The following SEZ6L2 variants were observed in gnomAD, a reference collection of about 807,000 sequenced individuals.
SEZ6L2 encodes seizure 6-like protein 2.
SEZ6L2 carries 44 observed loss-of-function variants against 97.0 expected under a neutral mutation model. The observed-to-expected ratio is 0.45, with a 90% confidence interval of 0.36 to 0.58. SEZ6L2 has a LOEUF of 0.58. Ranked by LOEUF, SEZ6L2 falls within the 20% of genes least tolerant of loss-of-function variation. SEZ6L2 has a pLI of 0.00. For synonymous variants in SEZ6L2, 543 were observed against 546.1 expected, an observed-to-expected ratio of 0.99 and a Z score of 0.08; for missense variants, 1,086 against 1,233.3, an observed-to-expected ratio of 0.88 and a Z score of 1.79.
chr16:29,882,250 C>T (rs1047475939), intron 8 of SEZ6L2, among the ~76,000 whole-genome samples: 1 of 151,930 alleles, frequency 6.6e-6, no homozygotes, highest in East Asian at 2.0e-4. Flanking sequence ...AGATTACAGG[C>T]ATGAGCCACT....
At chr16:29,877,227 G>A in intron 11 of SEZ6L2, 44 bp downstream of exon 11, 1 of 1,493,632 alleles carries the variant, frequency 6.7e-7, no homozygotes, top group Non-Finnish European at 8.9e-7. Flanking sequence ...GGGATCTCTG[G>A]CCTGCCCGAC....
Position 29,895,251 on chromosome 16 carries a change from C to T in SEZ6L2, c.853+8G>A. The T allele has an allele frequency of 6.4e-7, 1 of 1,554,412 alleles. No homozygotes were observed. The highest frequency in any genetic ancestry group is 1.4e-5 in the African/African-American group (1 of 73,296). On this transcript the variant is annotated splice_region_variant and intron_variant, in intron 5 of 17. Coordinates refer to ENST00000617533, the MANE Select transcript of SEZ6L2 (RefSeq NM_001243332.2). ...CTGCCCTTCCAGCAGCACCCTCAAACTCCTCACCCTGATAGTGGATCCTGA... is the reference window on the plus strand; with the variant it reads ...CTGCCCTTCCAGCAGCACCCTCAAATTCCTCACCCTGATAGTGGATCCTGA...
intron 8 of SEZ6L2, 106 bp from the exon 9 acceptor site, chr16:29,880,170 T>C (rs1285170064): frequency 4.1e-6 from 1 of 242,084 alleles, no homozygotes; most frequent in East Asian, 1.2e-4. Context: ...CTCACTGGGC[T>C]TTTTTTTTTT....
At chr16:29,897,657 C>T (rs754863277) in intron 2 of SEZ6L2, among the ~76,000 whole-genome samples, 196 bp downstream of exon 2, 17 of 152,320 alleles carry the variant, frequency 1.1e-4, no homozygotes, top group Non-Finnish European at 1.6e-4. Flanking sequence ...CTGTCTCTGT[C>T]TCTCTGGTTC....
intron 12 of SEZ6L2, among the ~76,000 whole-genome samples, chr16:29,874,174 C>T (rs1024200702): frequency 2.6e-5 from 4 of 152,088 alleles, no homozygotes; most frequent in Non-Finnish European, 5.9e-5. Context: ...CAAAATTCAA[C>T]GTATGTTATA....
intron 8 of SEZ6L2, among the ~76,000 whole-genome samples, chr16:29,880,285 C>T (rs2068003747): frequency 6.6e-6 from 1 of 151,748 alleles, no homozygotes; most frequent in Non-Finnish European, 1.5e-5. Flanking sequence ...GCCTCAGCCT[C>T]CCAGGTAGCT....
chr16:29,899,292 G>T lies in SEZ6L2; in HGVS notation c.-273C>A, dbSNP rs2068482290. The T allele has an allele frequency of 4.5e-6, 2 of 441,284 alleles. No individual in the cohort carries two copies. The highest frequency in any genetic ancestry group is 8.0e-6 in the Non-Finnish European group (2 of 249,496). The allele number at this position is 441,284 out of a possible 1,614,324, so 27.3% of individuals were successfully genotyped here. On this transcript the variant is annotated 5_prime_UTR_variant, in exon 1 of 18. Transcript: ENST00000617533. ...AGGGGGCGCGGCTCCGGCTGCAGGGGGTGGGGCCGAGAGGGCCGAAGGGGC... is the reference window on the plus strand; with the variant it reads ...AGGGGGCGCGGCTCCGGCTGCAGGGTGTGGGGCCGAGAGGGCCGAAGGGGC...
rs1400910441 is a variant in SEZ6L2, at chr16:29,876,265, T to C, written c.2104+491A>G. The stretch of plus-strand genomic sequence containing the variant: ...CCAGCACGGGGCTTCAATGATGGCA[T>C]TCAAATAAACCAAGTGCTCTGACAA... On this transcript the variant is annotated intron_variant, in intron 12 of 17. Coordinates refer to ENST00000617533, the MANE Select transcript of SEZ6L2 (RefSeq NM_001243332.2). The surrounding 1 kb of genome is among the most constrained non-coding windows in gnomAD (Gnocchi z 6.5). Among the ~76,000 whole-genome samples, 3 of 152,070 alleles carry C rather than the reference T, an allele frequency of 2.0e-5. No individual in the cohort carries two copies. The highest frequency in any genetic ancestry group is 2.9e-5 in the Non-Finnish European group (2 of 68,024).
chr16:29,890,412 A>G (rs1018036720), intron 5 of SEZ6L2, among the ~76,000 whole-genome samples: 2 of 152,206 alleles, frequency 1.3e-5, no homozygotes, highest in Admixed American at 6.6e-5. Flanking sequence ...ATGGCTGCCC[A>G]TGCCCAACAG....
At position 29,879,964 on chromosome 16, in the gene SEZ6L2, G is replaced by C; in HGVS notation, c.1473C>G (p.Cys491Trp). The change falls in exon 9 of 18, where the codon TGC (cysteine) becomes TGG (tryptophan). Residue 491 changes from cysteine (C) to tryptophan (W), a missense_variant. Around this residue, in one of 2 missense-constraint regions of SEZ6L2, gnomAD observed 776 missense variants for 794.7 expected, o/e 0.98. Transcript: ENST00000617533. ...GGGGCTCCAGGGCATATCCTGGGAGGCACGAGAAGGTTGCCAGTGCCCCTG... is the reference window on the plus strand; with the variant it reads ...GGGGCTCCAGGGCATATCCTGGGAGCCACGAGAAGGTTGCCAGTGCCCCTG... ...YRPGALATFS[C>W]LPGYALEPPG... 1.2e-6 allele frequency: 2 copies of C among 1,614,184 alleles called. No homozygotes were observed. The highest frequency in any genetic ancestry group is 1.7e-6 in the Non-Finnish European group (2 of 1,180,016).
intron 7 of SEZ6L2, 41 bp downstream of exon 7, chr16:29,887,608 G>T (rs774678546): frequency 7.3e-6 from 11 of 1,513,162 alleles, no homozygotes; most frequent in Non-Finnish European, 9.7e-6. Context: ...CACCATGCCC[G>T]GCCAAGGTGG....
chr16:29,891,207 T>C (rs535347841), intron 5 of SEZ6L2, among the ~76,000 whole-genome samples: 2 of 152,226 alleles, frequency 1.3e-5, no homozygotes, highest in Admixed American at 1.3e-4. Context: ...CCCAAAGTGC[T>C]GTGATTACAG....
At chr16:29,886,635 C>T (rs1463223207) in intron 7 of SEZ6L2, among the ~76,000 whole-genome samples, 12 of 150,466 alleles carry the variant, frequency 8.0e-5, no homozygotes, top group Non-Finnish European at 1.8e-4. Flanking sequence ...GAGCCGAGAT[C>T]GCACCACTGC....
In SEZ6L2 at chr16:29,899,110, GTTTTTT is replaced by G. The variant is rs556364210; in HGVS notation, c.-97_-92del. On this transcript the variant is annotated 5_prime_UTR_variant, in exon 1 of 18. Transcript: ENST00000617533. ...TCTCCGTTTATCTTTCCCTTTAATT[GTTTTTT>G]TTTTTTTTTTTTTTTTCCTCGTAGG... is the stretch of plus-strand genomic sequence containing the variant. 973 of 500,082 alleles carry G rather than the reference GTTTTTT, an allele frequency of 1.9e-3. No individual in the cohort carries two copies. The highest frequency in any genetic ancestry group is 4.4e-3 in the Middle Eastern group (8 of 1,804). 31.0% of individuals were successfully genotyped at this position (500,082 alleles called of 1,614,324 possible).
chr16:29,883,814 C>T (rs901013777), intron 8 of SEZ6L2, among the ~76,000 whole-genome samples: 1 of 152,046 alleles, frequency 6.6e-6, no homozygotes, highest in African/African-American at 2.4e-5. Context: ...CGCTTGTGGT[C>T]CCAGCTACTA....
Position 29,895,442 on chromosome 16 carries a change from A to T in SEZ6L2, c.670T>A (p.Ser224Thr). ...AGCACCAGGAGCTCCTCTTCCTGTG[A>T]CAGGTTCAGCGTCTGCACCTAGAGA... ...IEIQVQTLNL[S>T]QEEELLVLAG... The change falls in exon 5 of 18, where the codon TCA (serine) becomes ACA (threonine). Residue 224 changes from serine to threonine, a missense_variant. Ser to Thr is a moderately conservative substitution (Grantham distance 58, BLOSUM62 1). Transcript: ENST00000617533. 1 of 1,614,058 alleles carries T rather than the reference A, an allele frequency of 6.2e-7. No homozygotes were observed. Among genetic ancestry groups the T allele is most frequent in the South Asian group, 1.1e-5 (1 of 91,090 alleles).
At chr16:29,881,818 T>C (rs1222526233) in intron 8 of SEZ6L2, among the ~76,000 whole-genome samples, 5 of 145,188 alleles carry the variant, frequency 3.4e-5, no homozygotes, top group Admixed American at 2.1e-4. Context: ...TTAGTAGAGA[T>C]GGGGTTTTAC....
At chr16:29,874,137 G>T (rs2067848583) in intron 12 of SEZ6L2, among the ~76,000 whole-genome samples, 2 of 152,176 alleles carry the variant, frequency 1.3e-5, no homozygotes, top group Admixed American at 1.3e-4. Context: ...TCTATTTTCA[G>T]GCCAGAATGA....
In SEZ6L2 at chr16:29,874,547, CTTGTTTTTTTTTTTTTTTTTTT is replaced by C. The variant is rs1449812984; in HGVS notation, c.2105-840_2105-819del. Among the ~76,000 whole-genome samples, 84 of 24,576 alleles carry C rather than the reference CTTGTTTTTTTTTTTTTTTTTTT, an allele frequency of 3.4e-3. 2 individuals are homozygous for C. The East Asian group carries it at 0.068, about 20-fold the overall frequency. 16.1% of individuals were successfully genotyped at this position (24,576 alleles called of 152,430 possible). A position where few individuals can be genotyped will look rare whatever the true frequency, so the allele number is the denominator to read the frequency against. On this transcript the variant is annotated intron_variant, in intron 12 of 17. Coordinates refer to ENST00000617533, the MANE Select transcript of SEZ6L2 (RefSeq NM_001243332.2). ...ACAAATATAATTCTTTGTGTGTGTG[CTTGTTTTTTTTTTTTTTTTTTT>C]TTTTTTTTTTTTTTTTTTTGAGATG...
Sources: allele counts gnomAD v4.1 joint callset (sites outside exome capture counted in the v4.1 genomes callset), GRCh38; gene constraint gnomAD v4.1.1; regional missense constraint gnomAD v4.1.1; non-coding constraint Gnocchi (gnomAD v3.1); transcripts MANE v1.5; gene names NCBI Gene and HGNC (gene_info 2026-07-23, HGNC 2026-07-21).